RORA: variants seen among roughly 807,000 people sequenced by gnomAD.
RORA encodes the protein RAR related orphan receptor A.
Under a neutral mutation model 69.5 loss-of-function variants are expected in RORA, and 7 were observed. The observed-to-expected ratio is 0.10, with a 90% CI of 0.06 to 0.19. The LOEUF (loss-of-function observed/expected upper bound fraction) is 0.19, where lower values mean the gene tolerates loss of function less well. RORA is among the 10% of genes least tolerant of loss of function. The pLI is 1.00. For missense variants in RORA, 457 were observed against 663.0 expected (o/e 0.69, Z 3.41); for synonymous variants, 261 against 240.8 (o/e 1.08, Z -0.78).
rs146355376 is a variant in RORA, at chr15:60,944,245, G to C, written c.167-265559C>G. Among the ~76,000 whole-genome samples, 338 of 152,294 alleles carry C rather than the reference G, an allele frequency of 2.2e-3. 2 individuals are homozygous for C. Among genetic ancestry groups the C allele is most frequent in the Non-Finnish European group, 4.1e-3 (277 of 68,028 alleles). ...TCTGATGTAACTGGTCTGAGATGGA[G>C]CATGGGCATCAGTATAATTTAAAAG... On this transcript the variant is annotated intron_variant, in intron 1 of 10. Transcript: ENST00000335670.
At chr15:61,165,415 C>T (rs1172588272) in intron 1 of RORA, among the ~76,000 whole-genome samples, 2 of 152,226 alleles carry the variant, frequency 1.3e-5, no homozygotes, top group African/African-American at 4.8e-5. Flanking sequence ...CTAAGCCTCA[C>T]CAAAGTCAAG....
intron 1 of RORA, among the ~76,000 whole-genome samples, chr15:60,836,293 G>T (rs1162213961): frequency 6.6e-6 from 1 of 151,720 alleles, no homozygotes; most frequent in African/African-American, 2.4e-5. Flanking sequence ...ATGGAGAGAG[G>T]AGACAAAAAA....
chr15:61,062,297 T>C (rs1259524002), intron 1 of RORA, among the ~76,000 whole-genome samples: 3 of 152,200 alleles, frequency 2.0e-5, no homozygotes, highest in Non-Finnish European at 2.9e-5. Flanking sequence ...TTCTTAGTCC[T>C]TTCCCTGAGA....
intron 1 of RORA, among the ~76,000 whole-genome samples, chr15:60,843,945 A>T (rs1850584769): frequency 6.7e-6 from 1 of 150,310 alleles, no homozygotes; most frequent in Admixed American, 6.6e-5. Context: ...TAATATACCT[A>T]CTCTGCTCAG....
chr15:60,906,676 T>G (rs529007060), intron 1 of RORA, among the ~76,000 whole-genome samples: 2 of 152,204 alleles, frequency 1.3e-5, no homozygotes, highest in Non-Finnish European at 1.5e-5. Flanking sequence ...GCCAATCTAG[T>G]ACCCAGCCCT....
At chr15:60,972,728 T>G (rs1026998477) in intron 1 of RORA, among the ~76,000 whole-genome samples, 1 of 152,198 alleles carries the variant, frequency 6.6e-6, no homozygotes, top group Non-Finnish European at 1.5e-5. Context: ...AGTTTCATCA[T>G]CTATCAAATG....
chr15:60,735,633 G>T (rs778343703), intron 1 of RORA, among the ~76,000 whole-genome samples: 1 of 152,028 alleles, frequency 6.6e-6, no homozygotes, highest in South Asian at 2.1e-4. Context: ...TAAACAGAAG[G>T]TGAGTTCAAA....
chr15:60,684,254 T>G (rs1330356981), intron 1 of RORA, among the ~76,000 whole-genome samples: 3 of 145,358 alleles, frequency 2.1e-5, no homozygotes, highest in Non-Finnish European at 4.7e-5. Context: ...TTTTGTCCTC[T>G]TTTGCAACGA....
intron 2 of RORA, among the ~76,000 whole-genome samples, chr15:60,589,349 C>T (rs2068431379): frequency 6.6e-6 from 1 of 152,226 alleles, no homozygotes. Flanking sequence ...ATCTACGGGC[C>T]AGAAATTCCC....
At chr15:60,828,201 T>G (rs1446563697) in intron 1 of RORA, among the ~76,000 whole-genome samples, 1 of 152,120 alleles carries the variant, frequency 6.6e-6, no homozygotes, top group Non-Finnish European at 1.5e-5. Flanking sequence ...GGAGTGCTGC[T>G]GGTGGGAAAG....
chr15:60,767,748 TC>T (rs2072012446), intron 1 of RORA, among the ~76,000 whole-genome samples: 1 of 152,178 alleles, frequency 6.6e-6, no homozygotes, highest in Non-Finnish European at 1.5e-5. Context: ...ACCTGCAAAC[TC>T]CCTTCTTGCT....
intron 1 of RORA, among the ~76,000 whole-genome samples, chr15:60,980,644 G>A (rs1257888866): frequency 6.6e-6 from 1 of 151,974 alleles, no homozygotes; most frequent in Non-Finnish European, 1.5e-5. Flanking sequence ...ATTTTATGTA[G>A]GTTATCCAGT....
intron 1 of RORA, among the ~76,000 whole-genome samples, chr15:60,729,563 A>G (rs1203967273): frequency 6.6e-6 from 1 of 152,240 alleles, no homozygotes; most frequent in Non-Finnish European, 1.5e-5. Context: ...TATGCAATAT[A>G]AAGCTCTCAT....
intron 1 of RORA, among the ~76,000 whole-genome samples, chr15:60,867,950 A>C (rs983015385): frequency 1.3e-5 from 2 of 152,198 alleles, no homozygotes; most frequent in African/African-American, 4.8e-5. Flanking sequence ...GATAGTTTTC[A>C]ATTTTACTTA....
intron 5 of RORA, among the ~76,000 whole-genome samples, chr15:60,510,839 A>AT (rs1354083570): frequency 9.2e-5 from 14 of 152,096 alleles, no homozygotes; most frequent in African/African-American, 3.1e-4. Flanking sequence ...GCAAAAAAAT[A>AT]TGTCTGTGGG....
chr15:60,919,052 C>T (rs150086548), intron 1 of RORA, among the ~76,000 whole-genome samples: 40 of 152,222 alleles, frequency 2.6e-4, no homozygotes, highest in Middle Eastern at 3.4e-3. Flanking sequence ...AAAAGACATG[C>T]GGCTTATATA....
At chr15:60,720,155 G>A (rs1397426232) in intron 1 of RORA, among the ~76,000 whole-genome samples, 1 of 152,102 alleles carries the variant, frequency 6.6e-6, no homozygotes, top group African/African-American at 2.4e-5. Context: ...ACTAGGCCAT[G>A]ACCTGCCCTA....
At chr15:60,796,784 A>C (rs1489258318) in intron 1 of RORA, among the ~76,000 whole-genome samples, 2 of 152,050 alleles carry the variant, frequency 1.3e-5, no homozygotes, top group Non-Finnish European at 2.9e-5. Context: ...AAACAACCTC[A>C]ATTTCTCATC....
chr15:60,930,146 C>T lies in RORA; in HGVS notation c.167-251460G>A, dbSNP rs533267489. 3.9e-3 allele frequency among the ~76,000 whole-genome samples: 592 copies of T among 152,182 alleles called. 2 individuals carry two copies. The highest frequency in any genetic ancestry group is 6.7e-3 in the Non-Finnish European group (457 of 68,006). ...GAAATTTATATAGCCATGTGGCTAG[C>T]GGCTACCATTTTAGATGGTAGAGCT... On this transcript the variant is annotated intron_variant, in intron 1 of 10. Transcript: ENST00000335670.
Sources: gnomAD v4.1 joint callset for allele counts (sites outside exome capture counted in the v4.1 genomes callset) on GRCh38, gnomAD v4.1.1 for gene constraint, MANE v1.5 for transcripts, NCBI Gene and HGNC (gene_info 2026-07-23, HGNC 2026-07-21) for gene names.